MAP2K1: variants seen among roughly 807,000 people sequenced by gnomAD.
MAP2K1 encodes the protein dual specificity mitogen-activated protein kinase kinase 1.
MAP2K1 carries 16 observed loss-of-function variants against 46.3 expected under a neutral mutation model. That is an observed-to-expected ratio of 0.35 (90% CI 0.23 to 0.52). MAP2K1 has a LOEUF of 0.52. Ranked by LOEUF, MAP2K1 falls within the 20% of genes least tolerant of loss-of-function variation. MAP2K1 has a pLI of 0.94. For missense variants in MAP2K1, 263 were observed against 497.1 expected (o/e 0.53, Z 4.48); for synonymous variants, 183 against 185.6 (o/e 0.99, Z 0.11).
At chr15:66,398,338 C>G (rs1269788191) in intron 1 of MAP2K1, among the ~76,000 whole-genome samples, 3 of 152,138 alleles carry the variant, frequency 2.0e-5, no homozygotes, top group Admixed American at 2.0e-4. Flanking sequence ...ATTGCTTGAG[C>G]CCAGGTGGCG....
chr15:66,419,410 C>T (rs2093432274), intron 1 of MAP2K1, among the ~76,000 whole-genome samples: 2 of 151,708 alleles, frequency 1.3e-5, no homozygotes, highest in Non-Finnish European at 2.9e-5. Context: ...ATCCCAGCTA[C>T]TGGGGAGGCT....
intron 5 of MAP2K1, among the ~76,000 whole-genome samples, chr15:66,457,530 A>G (rs1285618999): frequency 6.6e-6 from 1 of 152,202 alleles, no homozygotes; most frequent in Non-Finnish European, 1.5e-5. Flanking sequence ...TTGAGTAGTT[A>G]CTTGTGAAAG....
chr15:66,456,255 T>A (rs1892163237), intron 5 of MAP2K1, among the ~76,000 whole-genome samples: 1 of 152,222 alleles, frequency 6.6e-6, no homozygotes, highest in Non-Finnish European at 1.5e-5. Context: ...TAAATGACTC[T>A]TGTATATTGT....
At chr15:66,402,112 A>G (rs184336860) in intron 1 of MAP2K1, among the ~76,000 whole-genome samples, 1 of 152,302 alleles carries the variant, frequency 6.6e-6, no homozygotes, top group East Asian at 1.9e-4. Context: ...CATTGTGTGT[A>G]ATGTATTAAG....
At chr15:66,436,638 T>G (rs1567009660) in intron 2 of MAP2K1, 108 bp from the exon 3 acceptor site, 10 of 1,079,656 alleles carry the variant, frequency 9.3e-6, no homozygotes, top group Non-Finnish European at 1.4e-5. Flanking sequence ...CTTAACCTGT[T>G]TCTCCTCCCT....
intron 1 of MAP2K1, among the ~76,000 whole-genome samples, chr15:66,403,083 C>G (rs1046982075): frequency 6.6e-6 from 1 of 152,154 alleles, no homozygotes; most frequent in African/African-American, 2.4e-5. Context: ...ATGAGGAAAC[C>G]AGACCTAGAG....
At chr15:66,486,435 G>A (rs557583241) in intron 7 of MAP2K1, among the ~76,000 whole-genome samples, 62 of 152,068 alleles carry the variant, frequency 4.1e-4, no homozygotes, top group Non-Finnish European at 5.7e-4. Context: ...CTGTGTCCAC[G>A]GATTTGCCTA....
chr15:66,441,752 CA>C (rs35667031), intron 3 of MAP2K1, among the ~76,000 whole-genome samples: 9,292 of 98,668 alleles, frequency 0.094, 321 homozygotes, highest in Middle Eastern at 0.19. Context: ...TAAAAAAAGA[CA>C]AAAAAAAAAA....
In MAP2K1 at chr15:66,464,675, G is replaced by A. The variant is rs377054893; in HGVS notation, c.569-17080G>A. On this transcript the variant is annotated intron_variant, in intron 5 of 10. Coordinates refer to ENST00000307102, the MANE Select transcript of MAP2K1 (RefSeq NM_002755.4). ...TGAGTAGCTGGGATTACAGGCATGC[G>A]CCACCATGACCGGCTAATTTTGTAT... Among the ~76,000 whole-genome samples the A allele has an allele frequency of 1.5e-3, 234 of 151,694 alleles. 3 individuals carry two copies. The South Asian group carries it at 0.045, about 29-fold the overall frequency.
At chr15:66,469,431 A>G (rs1299609038) in intron 5 of MAP2K1, among the ~76,000 whole-genome samples, 2 of 149,058 alleles carry the variant, frequency 1.3e-5, no homozygotes, top group African/African-American at 4.9e-5. Flanking sequence ...GAGACCCATA[A>G]GGAAAAACAG....
intron 5 of MAP2K1, among the ~76,000 whole-genome samples, chr15:66,460,882 G>C (rs1892301105): frequency 6.6e-6 from 1 of 152,154 alleles, no homozygotes; most frequent in African/African-American, 2.4e-5. Flanking sequence ...GGAGTAGCAG[G>C]GAGACTTGGC....
At chr15:66,393,962 C>T (rs2093362204) in intron 1 of MAP2K1, among the ~76,000 whole-genome samples, 1 of 152,196 alleles carries the variant, frequency 6.6e-6, no homozygotes, top group South Asian at 2.1e-4. Context: ...TAGCGCTGAT[C>T]ACTAACTGAT....
rs1567003198 is a variant in MAP2K1 at position 66,420,841 on chromosome 15, G to GTGTATATATA, written c.81-14183_81-14182insATATATATGT. ...TGTATATATATATGTGTATATATAT[G>GTGTATATATA]TGTGTATATATATGTGTGTATATAT... On this transcript the variant is annotated intron_variant, in intron 1 of 10. Transcript: ENST00000307102. 2.9e-3 allele frequency among the ~76,000 whole-genome samples: 183 copies of GTGTATATATA among 62,110 alleles called. 8 individuals are homozygous for GTGTATATATA. Among genetic ancestry groups the GTGTATATATA allele is most frequent in the African/African-American group, 9.5e-3 (171 of 18,044 alleles). The allele number at this position is 62,110 out of a possible 152,430, so 40.7% of individuals were successfully genotyped here. A position where few individuals can be genotyped will look rare whatever the true frequency, so the allele number is the denominator to read the frequency against.
chr15:66,468,888 GCCA>G (rs1892537019), intron 5 of MAP2K1, among the ~76,000 whole-genome samples: 1 of 95,698 alleles, frequency 1.0e-5, no homozygotes, highest in Non-Finnish European at 2.6e-5. Flanking sequence ...CTGAGTCTGT[GCCA>G]CTGCAGTGAG....
At chr15:66,425,685 A>G (rs954903791) in intron 1 of MAP2K1, among the ~76,000 whole-genome samples, 5 of 152,232 alleles carry the variant, frequency 3.3e-5, no homozygotes, top group African/African-American at 1.2e-4. Context: ...AAGGGTATCT[A>G]CATAGATCAT....
rs556841761 is a variant in MAP2K1, at chr15:66,467,316, G to T, written c.569-14439G>T. Among the ~76,000 whole-genome samples, 4 of 152,306 alleles carry T rather than the reference G, an allele frequency of 2.6e-5. No individual in the cohort carries two copies. In the South Asian group the frequency reaches 8.3e-4, roughly 32 times the overall value. On this transcript the variant is annotated intron_variant, in intron 5 of 10. Coordinates refer to ENST00000307102, the MANE Select transcript of MAP2K1 (RefSeq NM_002755.4). ...GATCTGACCGAACTGACTCCATGTTGCTTCTAATCTCCAAGCTGTCCTTGT... is the reference window on the plus strand; with the variant it reads ...GATCTGACCGAACTGACTCCATGTTTCTTCTAATCTCCAAGCTGTCCTTGT...
intron 5 of MAP2K1, among the ~76,000 whole-genome samples, chr15:66,455,874 T>A (rs7183477): frequency 0.081 from 12,257 of 152,226 alleles, 469 homozygotes; most frequent in Non-Finnish European, 0.086. Context: ...AACATTGTAT[T>A]CTATTTCCCC....
At chr15:66,443,882 CTT>C (rs1891788099) in intron 4 of MAP2K1, among the ~76,000 whole-genome samples, 1 of 152,108 alleles carries the variant, frequency 6.6e-6, no homozygotes, top group Non-Finnish European at 1.5e-5. Context: ...CAAAACAACT[CTT>C]TATACCATGT....
chr15:66,409,061 G>A (rs2093405105), intron 1 of MAP2K1, among the ~76,000 whole-genome samples: 1 of 152,174 alleles, frequency 6.6e-6, no homozygotes, highest in Non-Finnish European at 1.5e-5. Flanking sequence ...GGGTCACAGT[G>A]TTGTTGGTAA....
Sources: allele counts gnomAD v4.1 joint callset (sites outside exome capture counted in the v4.1 genomes callset), GRCh38; gene constraint gnomAD v4.1.1; transcripts MANE v1.5; gene names NCBI Gene and HGNC (gene_info 2026-07-23, HGNC 2026-07-21).